The following PRDM7 variants were observed in gnomAD, a reference collection of about 807,000 sequenced individuals.
PRDM7 encodes histone-lysine N-methyltransferase PRDM7.
PRDM7 carries 52 observed loss-of-function variants against 64.3 expected under a neutral mutation model. That is an observed-to-expected ratio of 0.81 (90% CI 0.65 to 1.02). The LOEUF (loss-of-function observed/expected upper bound fraction) is 1.02. Ranked by LOEUF, PRDM7 falls within the 50% of genes least tolerant of loss-of-function variation. The pLI is 0.00. For missense variants in PRDM7, 574 were observed against 597.1 expected (o/e 0.96, Z 0.40); for synonymous variants, 192 against 210.1 (o/e 0.91, Z 0.74).
chr16:90,058,390 G>C lies in PRDM7; in HGVS notation c.1378C>G (p.Pro460Ala). The change falls in exon 11 of 11, where the codon CCT becomes GCT. Residue 460 changes from proline (P) to alanine (A), a missense_variant. Coordinates refer to ENST00000449207, the MANE Select transcript of PRDM7 (RefSeq NM_001098173.2). ...LQENFSNQRIPAQGIRIRSGN... is the reference protein window; with the variant it reads ...LQENFSNQRIAAQGIRIRSGN... ...CTCCTGATTCTGATCCCCTGGGCAG[G>C]GATTCTCTGGTTGGAGAAGTTTTCT... is the stretch of plus-strand genomic sequence containing the variant. 1 of 1,614,136 alleles carries C rather than the reference G, an allele frequency of 6.2e-7. No homozygotes were observed.
At chr16:90,063,516 A>C in intron 6 of PRDM7, 96 bp downstream of exon 6, 1 of 1,387,444 alleles carries the variant, frequency 7.2e-7, no homozygotes, top group East Asian at 2.3e-5. Context: ...GCTTAAGCCC[A>C]GGCCTATCCA....
Position 90,068,508 on chromosome 16 carries a change from G to A in PRDM7, c.302-1598C>T, listed in dbSNP as rs764758693. Among the ~76,000 whole-genome samples, 6 of 148,688 alleles carry A rather than the reference G, an allele frequency of 4.0e-5. 1 individual carries two copies. Among genetic ancestry groups the A allele is most frequent in the East Asian group, 2.0e-4 (1 of 5,064 alleles). On this transcript the variant is annotated intron_variant, in intron 4 of 10. Coordinates refer to ENST00000449207, the MANE Select transcript of PRDM7 (RefSeq NM_001098173.2). ...AAATTAGCTGGGTGTGGTGACGGGCGCCTGTAGTCCCAGCTACTCAGGAGG... is the reference window on the plus strand; with the variant it reads ...AAATTAGCTGGGTGTGGTGACGGGCACCTGTAGTCCCAGCTACTCAGGAGG...
chr16:90,060,695 A>T, intron 9 of PRDM7, 72 bp from the exon 10 acceptor site: 1 of 1,577,854 alleles, frequency 6.3e-7, no homozygotes, highest in Non-Finnish European at 8.7e-7. Flanking sequence ...TACAATGCTC[A>T]TCCTGCCTAG....
chr16:90,066,574 A>C (rs1043763358), intron 5 of PRDM7, among the ~76,000 whole-genome samples: 1 of 151,246 alleles, frequency 6.6e-6, no homozygotes, highest in African/African-American at 2.5e-5. Flanking sequence ...TAGTTATAGT[A>C]CCTACTTAAT....
At chr16:90,059,330 A>G (rs966613541) in intron 10 of PRDM7, among the ~76,000 whole-genome samples, 1 of 152,194 alleles carries the variant, frequency 6.6e-6, no homozygotes, top group African/African-American at 2.4e-5. Context: ...TGTCTGAGTT[A>G]TTTCATTCAG....
At position 90,063,740 on chromosome 16, in the gene PRDM7, T is replaced by G. The variant is rs753490436; in HGVS notation, c.380A>C (p.Glu127Ala). 6.2e-7 allele frequency: 1 copy of G among 1,614,228 alleles called. No individual in the cohort carries two copies. Among genetic ancestry groups the G allele is most frequent in the Non-Finnish European group, 8.5e-7 (1 of 1,180,028 alleles). Residue 127 changes from glutamate (E) to alanine (A), a missense_variant, in exon 6 of 11, where the codon GAA becomes GCA. Coordinates refer to ENST00000449207, the MANE Select transcript of PRDM7 (RefSeq NM_001098173.2). ...TCCTGACAATTCTCTCAAACTAGAT[T>G]CATTATTGAATGACGCCTTGGGCAT... ...KGMPKASFNN[E>A]SSLRELSGTP...
At position 90,062,426 on chromosome 16, in the gene PRDM7, G is replaced by A. The variant is rs74034321; in HGVS notation, c.585C>T (p.Ser195=). ...ERKGHAYKEI[S]EPQDDDYLYC... is the part of the protein sequence containing the mutation. ...AGAGGTAGTCATCATCCTGTGGCTC[G>A]CTGATCTCTTTGTATGCATGACCCT... The change falls in exon 7 of 11, where the codon AGC becomes AGT. Residue 195 remains serine, a synonymous_variant. Transcript: ENST00000449207. 9.3e-4 allele frequency: 1,508 copies of A among 1,613,066 alleles called. 12 individuals carry two copies. In the African/African-American group the frequency reaches 0.018, roughly 20 times the overall value.
Position 90,062,604 on chromosome 16 carries a change from C to A in PRDM7, c.509-102G>T, listed in dbSNP as rs537981091. 6 of 1,030,580 alleles carry A rather than the reference C, an allele frequency of 5.8e-6. No individual in the cohort carries two copies. In the African/African-American group the frequency reaches 7.9e-5, roughly 14 times the overall value. The allele number at this position is 1,030,580 out of a possible 1,614,324, so 63.8% of individuals were successfully genotyped here. A position where few individuals can be genotyped will look rare whatever the true frequency, so the allele number is the denominator to read the frequency against. On this transcript the variant is annotated intron_variant, in intron 6 of 10. Transcript: ENST00000449207. ...CTCCTACCATCAAATTAGCATCTACCTTTCTACATACTCTAGTCTCCCTCT... is the reference window on the plus strand; with the variant it reads ...CTCCTACCATCAAATTAGCATCTACATTTCTACATACTCTAGTCTCCCTCT...
rs1463743591 is a variant in PRDM7 at position 90,057,920 on chromosome 16, CG to C, written c.*368del. ...GAGGACTGACTTCCGGCTAAAGCCC[CG>C]CTCACACTCTCTGCAGACATAAGGC... is the stretch of plus-strand genomic sequence containing the variant. On this transcript the variant is annotated 3_prime_UTR_variant, in exon 11 of 11. Transcript: ENST00000449207. 5.1e-6 allele frequency: 8 copies of C among 1,576,106 alleles called. No individual in the cohort carries two copies. The African/African-American group carries it at 1.1e-4, about 21-fold the overall frequency.
intron 5 of PRDM7, 52 bp downstream of exon 5, chr16:90,066,809 A>G (rs1413251326): frequency 1.4e-6 from 2 of 1,461,640 alleles, no homozygotes; most frequent in African/African-American, 1.5e-5. Flanking sequence ...TCTTACCTGT[A>G]TTTGGATCTA....
At chr16:90,063,386 C>T (rs139072878) in intron 6 of PRDM7, among the ~76,000 whole-genome samples, 6 of 151,944 alleles carry the variant, frequency 3.9e-5, no homozygotes, top group Admixed American at 1.3e-4. Flanking sequence ...TGCAGTGAAC[C>T]GAGATCTCAC....
intron 4 of PRDM7, among the ~76,000 whole-genome samples, chr16:90,067,946 T>G (rs1052316235): frequency 2.6e-5 from 4 of 151,258 alleles, no homozygotes; most frequent in Non-Finnish European, 5.9e-5. Context: ...GCCTTCCTTC[T>G]AAGGTCATAA....
Position 90,065,461 on chromosome 16 carries a change from G to T in PRDM7, c.351+1400C>A, listed in dbSNP as rs185089955. 6.8e-5 allele frequency among the ~76,000 whole-genome samples: 10 copies of T among 147,088 alleles called. 3 individuals are homozygous for T. Among genetic ancestry groups the T allele is most frequent in the African/African-American group, 2.6e-4 (10 of 39,002 alleles). On this transcript the variant is annotated intron_variant, in intron 5 of 10. Transcript: ENST00000449207. ...AAATAATTTTTCTCACAGACTGGGT[G>T]CGGTGGCTCACATCTGTAATCCCAG... is the stretch of plus-strand genomic sequence containing the variant.
chr16:90,058,075 T>C lies in PRDM7; in HGVS notation c.*214A>G. 1 of 1,613,490 alleles carries C rather than the reference T, an allele frequency of 6.2e-7. No individual in the cohort carries two copies. Among genetic ancestry groups the C allele is most frequent in the Non-Finnish European group, 8.5e-7 (1 of 1,179,532 alleles). ...TTGGTGTGTAATAACATCTGACTTA[T>C]CACTGAAACCTTGCCCACACTCTCC... is the stretch of plus-strand genomic sequence containing the variant. On this transcript the variant is annotated 3_prime_UTR_variant, in exon 11 of 11. Transcript: ENST00000449207.
At chr16:90,069,766 T>C (rs1204092622) in intron 4 of PRDM7, among the ~76,000 whole-genome samples, 1 of 150,998 alleles carries the variant, frequency 6.6e-6, no homozygotes, top group Non-Finnish European at 1.5e-5. Flanking sequence ...AAAGAGTTAA[T>C]ATCCAGGCCA....
At chr16:90,073,786 T>A (rs1278883143) in intron 4 of PRDM7, among the ~76,000 whole-genome samples, 1 of 151,806 alleles carries the variant, frequency 6.6e-6, no homozygotes, top group Non-Finnish European at 1.5e-5. Flanking sequence ...GAGGTCACTT[T>A]TTTTTCCCCC....
chr16:90,076,354 T>G (rs555916206), intron 1 of PRDM7, among the ~76,000 whole-genome samples: 1 of 152,224 alleles, frequency 6.6e-6, no homozygotes, highest in East Asian at 1.9e-4. Flanking sequence ...CTGCTGGGAC[T>G]TGGGTCACAC....
At chr16:90,059,919 C>A (rs1303549107) in intron 10 of PRDM7, among the ~76,000 whole-genome samples, 1 of 152,234 alleles carries the variant, frequency 6.6e-6, no homozygotes, top group Non-Finnish European at 1.5e-5. Context: ...CTTCCTGCAA[C>A]ATCGTCTGGC....
In PRDM7 at chr16:90,068,322, C is replaced by T. The variant is rs140546580; in HGVS notation, c.302-1412G>A. Reference sequence around the variant, plus strand: ...AAAAATAAAACTATAAAGATTTTACCAAAAAATTGTTAGAAGTAATACACG... The same window carrying T: ...AAAAATAAAACTATAAAGATTTTACTAAAAAATTGTTAGAAGTAATACACG... On this transcript the variant is annotated intron_variant, in intron 4 of 10. Transcript: ENST00000449207. 7.0e-3 allele frequency among the ~76,000 whole-genome samples: 1,039 copies of T among 148,380 alleles called. 17 individuals carry two copies. In the Middle Eastern group the frequency reaches 0.1, roughly 15 times the overall value.
Sources: gnomAD v4.1 joint callset for allele counts (sites outside exome capture counted in the v4.1 genomes callset) on GRCh38, gnomAD v4.1.1 for gene constraint, MANE v1.5 for transcripts, NCBI Gene and HGNC (gene_info 2026-07-23, HGNC 2026-07-21) for gene names.